TPRA1: variants seen among roughly 807,000 people sequenced by gnomAD.
TPRA1 encodes transmembrane protein adipocyte associated 1.
TPRA1 carries 28 observed loss-of-function variants against 40.1 expected under a neutral mutation model. The ratio of observed to expected loss-of-function variants is 0.70; its 90% CI spans 0.52 to 0.96. The LOEUF is 0.96. Ranked by LOEUF, TPRA1 falls within the 40% of genes least tolerant of loss-of-function variation. The pLI is 0.00. For synonymous variants in TPRA1, 219 were observed against 209.7 expected (o/e 1.04, Z -0.38); for missense variants, 441 against 482.6 (o/e 0.91, Z 0.81).
At chr3:127,587,203 C>T (rs1189120649) in intron 1 of TPRA1, 1 of 152,156 alleles carries the variant, frequency 6.6e-6, no homozygotes, top group African/African-American at 2.4e-5. Flanking sequence ...TGAGGAAACA[C>T]TCTCTGCTGA....
At position 127,579,841 on chromosome 3, in the gene TPRA1, G is replaced by A. The variant is rs756667162; in HGVS notation, c.157C>T (p.Pro53Ser). 1 of 1,614,002 alleles carries A rather than the reference G, an allele frequency of 6.2e-7. No individual in the cohort carries two copies. The highest frequency in any genetic ancestry group is 8.5e-7 in the Non-Finnish European group (1 of 1,180,020). ...AGGAAGATGAGGAAGAGCACATTGG[G>A]GATGAGCAGCAAGAGGTCCCAGTAC... is the stretch of plus-strand genomic sequence containing the variant. ...VRYWDLLLLI[P>S]NVLFLIFLLW... The change falls in exon 3 of 11, where the codon CCC becomes TCC. Residue 53 changes from proline (P) to serine (S), a missense_variant. Physicochemically the swap from Pro to Ser is moderately conservative, Grantham distance 74. Coordinates refer to ENST00000355552, the MANE Select transcript of TPRA1 (RefSeq NM_001136053.4).
intron 3 of TPRA1, among the ~76,000 whole-genome samples, chr3:127,577,289 C>T (rs911781045): frequency 5.3e-5 from 8 of 152,200 alleles, no homozygotes. Context: ...TGACTTCCAG[C>T]CTGGCCCTCC....
At chr3:127,591,665 G>A (rs1032371490), upstream of TPRA1, among the ~76,000 whole-genome samples, 3 of 152,164 alleles carry the variant, frequency 2.0e-5, no homozygotes, top group Non-Finnish European at 1.5e-5. Flanking sequence ...CGCTGGAGCG[G>A]CTGTCCAGTC....
Position 127,581,757 on chromosome 3 carries a change from C to CA in TPRA1, c.-17-1595dup, listed in dbSNP as rs757784299. 4.9e-3 allele frequency among the ~76,000 whole-genome samples: 627 copies of CA among 127,402 alleles called. 14 individuals carry two copies. The East Asian group carries it at 0.061, about 12-fold the overall frequency. The allele number at this position is 127,402 out of a possible 152,430, so 83.6% of individuals were successfully genotyped here. On this transcript the variant is annotated intron_variant, in intron 1 of 10. Coordinates refer to ENST00000355552, the MANE Select transcript of TPRA1 (RefSeq NM_001136053.4). ...GTGAAACCCCATCTCTACTAAAATA[C>CA]AAAAAAAAAAAAAAATTAGTTGGGC...
At chr3:127,597,791 C>G (rs1300183974) in intron 1 of TPRA1, among the ~76,000 whole-genome samples, 1 of 151,964 alleles carries the variant, frequency 6.6e-6, no homozygotes, top group East Asian at 1.9e-4. Context: ...GTCAGAAAAC[C>G]AGGCTCTGAA....
chr3:127,587,412 C>T (rs1287009006), intron 1 of TPRA1, among the ~76,000 whole-genome samples: 1 of 152,134 alleles, frequency 6.6e-6, no homozygotes, highest in Non-Finnish European at 1.5e-5. Context: ...AACAAATCCC[C>T]TTTTCTGCCT....
At chr3:127,575,853 C>T in intron 7 of TPRA1, 44 bp from the exon 8 acceptor site, 1 of 1,612,162 alleles carries the variant, frequency 6.2e-7, no homozygotes, top group African/African-American at 1.3e-5. Context: ...GGGCGCCAGC[C>T]CAGACCCACA....
intron 1 of TPRA1, among the ~76,000 whole-genome samples, chr3:127,597,364 G>T (rs545214116): frequency 4.7e-4 from 71 of 152,334 alleles, no homozygotes; most frequent in African/African-American, 1.7e-3. Context: ...CAGCCAGAGG[G>T]ATTCTAAAAC....
At position 127,576,377 on chromosome 3, in the gene TPRA1, G is replaced by A. The variant is rs946520131; in HGVS notation, c.498+240C>T. Among the ~76,000 whole-genome samples, 1 of 152,130 alleles carries A rather than the reference G, an allele frequency of 6.6e-6. No homozygotes were observed. Among genetic ancestry groups the A allele is most frequent in the Admixed American group, 6.5e-5 (1 of 15,278 alleles). On this transcript the variant is annotated intron_variant, in intron 6 of 10. Transcript: ENST00000355552. This position sits in a 1 kb window ranked among gnomAD's most constrained non-coding sequence, Gnocchi z 4.6. Reference sequence around the variant, plus strand: ...CTGCGGACCTGCACCATCCCTACCTGAACTCCTTATTAAAACGGCAAGTCC... The same window carrying A: ...CTGCGGACCTGCACCATCCCTACCTAAACTCCTTATTAAAACGGCAAGTCC...
rs1353849996 is a variant in TPRA1 at position 127,576,100 on chromosome 3, C to A, written c.499-50G>T. The A allele has an allele frequency of 3.4e-6, 5 of 1,465,214 alleles. 1 individual carries two copies. In the Admixed American group the frequency reaches 7.1e-5, roughly 21 times the overall value. 90.8% of individuals were successfully genotyped at this position (1,465,214 alleles called of 1,614,324 possible). A position where few individuals can be genotyped will look rare whatever the true frequency, so the allele number is the denominator to read the frequency against. On this transcript the variant is annotated intron_variant, in intron 6 of 10. Coordinates refer to ENST00000355552, the MANE Select transcript of TPRA1 (RefSeq NM_001136053.4). This position sits in a 1 kb window ranked among gnomAD's most constrained non-coding sequence, Gnocchi z 4.6. ...GAAGGGAGAGGATCTCAAGGCTTCT[C>A]TCTCCCAGGGGCTTTCCCTGATGCA...
At chr3:127,583,661 C>T (rs1180346177) in intron 1 of TPRA1, among the ~76,000 whole-genome samples, 4 of 151,548 alleles carry the variant, frequency 2.6e-5, no homozygotes, top group East Asian at 1.9e-4. Flanking sequence ...GAAGCCCACC[C>T]TTCATTCACA....
chr3:127,586,328 T>C (rs553635996), intron 1 of TPRA1, among the ~76,000 whole-genome samples: 1 of 152,276 alleles, frequency 6.6e-6, no homozygotes, highest in African/African-American at 2.4e-5. Flanking sequence ...AGCCCTCTCC[T>C]CCCCACCCCA....
rs527959688 is a variant in TPRA1, at chr3:127,572,439, G to A, written c.*1082C>T. Among the ~76,000 whole-genome samples the A allele has an allele frequency of 2.6e-5, 4 of 152,330 alleles. No homozygotes were observed. Among genetic ancestry groups the A allele is most frequent in the African/African-American group, 7.2e-5 (3 of 41,574 alleles). On this transcript the variant is annotated 3_prime_UTR_variant, in exon 11 of 11. Coordinates refer to ENST00000355552, the MANE Select transcript of TPRA1 (RefSeq NM_001136053.4). Reference sequence around the variant, plus strand: ...CTCAAAGCCGAACTCAGGTACAAGGGCAGTGGCAGGGACAAGTGGGCCCCT... The same window carrying A: ...CTCAAAGCCGAACTCAGGTACAAGGACAGTGGCAGGGACAAGTGGGCCCCT...
At position 127,571,785 on chromosome 3, in the gene TPRA1, C is replaced by T. The variant is rs2073383181; in HGVS notation, c.*1736G>A. 1 of 151,450 alleles carries T rather than the reference C, an allele frequency of 6.6e-6. No homozygotes were observed. Among genetic ancestry groups the T allele is most frequent in the Non-Finnish European group, 1.5e-5 (1 of 67,862 alleles). The allele number at this position is 151,450 out of a possible 1,614,324, so 9.4% of individuals were successfully genotyped here. On this transcript the variant is annotated 3_prime_UTR_variant, in exon 11 of 11. Transcript: ENST00000355552. ...AAATACCCTCCTGTACTGCATGAACCTTTTTTTTTCTTGCCATGTACATAT... is the reference window on the plus strand; with the variant it reads ...AAATACCCTCCTGTACTGCATGAACTTTTTTTTTTCTTGCCATGTACATAT...
intron 1 of TPRA1, among the ~76,000 whole-genome samples, chr3:127,584,461 A>AAT (rs2073937551): frequency 7.3e-6 from 1 of 137,400 alleles, no homozygotes; most frequent in African/African-American, 2.6e-5. Context: ...AAAAAAAAAA[A>AAT]AAAAAAAAAA....
At position 127,588,351 on chromosome 3, in the gene TPRA1, A is replaced by G. The variant is rs562333264; in HGVS notation, c.-18+2059T>C. ...TTGATCCAGCAACCACACTGGGGTT[A>G]TGGGGCTGCTGGCCATACCAGGATT... On this transcript the variant is annotated intron_variant, in intron 1 of 10. Transcript: ENST00000355552. 4.7e-4 allele frequency among the ~76,000 whole-genome samples: 71 copies of G among 151,344 alleles called. No homozygotes were observed. In the South Asian group the frequency reaches 5.7e-3, roughly 12 times the overall value.
chr3:127,586,401 G>C (rs536398323), intron 1 of TPRA1, among the ~76,000 whole-genome samples: 1 of 152,308 alleles, frequency 6.6e-6, no homozygotes, highest in African/African-American at 2.4e-5. Flanking sequence ...CTAGAGTGCA[G>C]TGGTGCAATC....
In TPRA1 at chr3:127,579,757, T is replaced by TA; in HGVS notation, c.240dup (p.Ile81TyrfsTer34). Reference sequence around the variant, plus strand: ...GAACTCACCAGGATGTAGAAGGTGATAAAAATGGGGCTGGAGGTGATGCGG... The same window carrying TA: ...GAACTCACCAGGATGTAGAAGGTGATAAAAAATGGGGCTGGAGGTGATGCGG... On this transcript the variant is annotated frameshift_variant, in exon 3 of 11. Transcript: ENST00000355552. LOFTEE classifies it high-confidence loss of function. The TA allele has an allele frequency of 6.2e-7, 1 of 1,614,070 alleles. No homozygotes were observed. The highest frequency in any genetic ancestry group is 8.5e-7 in the Non-Finnish European group (1 of 1,180,008).
At position 127,576,790 on chromosome 3, in the gene TPRA1, C is replaced by A. The variant is rs772176815; in HGVS notation, c.418+31G>T. On this transcript the variant is annotated intron_variant, in intron 5 of 10. Transcript: ENST00000355552. This position sits in a 1 kb window ranked among gnomAD's most constrained non-coding sequence, Gnocchi z 4.6. ...CAGGGAGGGGCAGGGGAGAGCATCG[C>A]CAGGGCCCAAGAGCCCAGCGGTACA... 1.2e-6 allele frequency: 2 copies of A among 1,613,656 alleles called. No individual in the cohort carries two copies. Among genetic ancestry groups the A allele is most frequent in the South Asian group, 2.2e-5 (2 of 91,040 alleles).
Sources: allele counts gnomAD v4.1 joint callset (sites outside exome capture counted in the v4.1 genomes callset), GRCh38; gene constraint gnomAD v4.1.1; non-coding constraint Gnocchi (gnomAD v3.1); transcripts MANE v1.5; gene names NCBI Gene and HGNC (gene_info 2026-07-23, HGNC 2026-07-21).